Variants in ZRANB3 observed in about 807,000 individuals in gnomAD.
ZRANB3 encodes the protein DNA annealing helicase and endonuclease ZRANB3.
ZRANB3 carries 125 observed loss-of-function variants against 133.8 expected under a neutral mutation model. The ratio of observed to expected loss-of-function variants is 0.93; its 90% CI spans 0.81 to 1.08. ZRANB3 has a LOEUF of 1.08. ZRANB3 is among the 50% of genes least tolerant of loss of function. ZRANB3 has a pLI of 0.00. For missense variants in ZRANB3, 1,229 were observed against 1,275.5 expected (o/e 0.96, Z 0.56); for synonymous variants, 387 against 432.7 (o/e 0.89, Z 1.31).
At chr2:135,524,128 C>G (rs1694055502) in intron 1 of ZRANB3, among the ~76,000 whole-genome samples, 1 of 151,738 alleles carries the variant, frequency 6.6e-6, no homozygotes, top group Non-Finnish European at 1.5e-5. Flanking sequence ...CTCTTGTTGC[C>G]CAGGCTGGAG....
intron 8 of ZRANB3, among the ~76,000 whole-genome samples, chr2:135,280,251 A>C (rs1423432154): frequency 2.0e-5 from 3 of 152,200 alleles, no homozygotes; most frequent in Non-Finnish European, 4.4e-5. Context: ...GTAATTAATG[A>C]AGACTATACA....
chr2:135,253,581 A>G (rs1679507651), intron 12 of ZRANB3, among the ~76,000 whole-genome samples: 1 of 152,206 alleles, frequency 6.6e-6, no homozygotes, highest in African/African-American at 2.4e-5. Context: ...ACTACCTGGT[A>G]TAGCCTGTTA....
At chr2:135,426,086 G>T (rs1360032682) in intron 2 of ZRANB3, among the ~76,000 whole-genome samples, 4 of 151,960 alleles carry the variant, frequency 2.6e-5, no homozygotes, top group African/African-American at 9.7e-5. Context: ...AAACGTAGAA[G>T]AAATAGATAA....
At chr2:135,329,878 G>A (rs1031511879) in intron 6 of ZRANB3, among the ~76,000 whole-genome samples, 1 of 152,076 alleles carries the variant, frequency 6.6e-6, no homozygotes, top group African/African-American at 2.4e-5. Context: ...TGTATAGGAA[G>A]GCTTGTGATT....
At chr2:135,411,137 G>T (rs1023655404) in intron 2 of ZRANB3, among the ~76,000 whole-genome samples, 3 of 152,122 alleles carry the variant, frequency 2.0e-5, no homozygotes, top group African/African-American at 7.2e-5. Context: ...CTACTTGGGG[G>T]CTGAGGTGGG....
Position 135,234,854 on chromosome 2 carries a change from C to T in ZRANB3, c.1540-3927G>A, listed in dbSNP as rs1295073110. ...GAAAGCAGGAAAGATCTAAAATTGACACCCTAACATCACAATTAAAAGAAC... is the reference window on the plus strand; with the variant it reads ...GAAAGCAGGAAAGATCTAAAATTGATACCCTAACATCACAATTAAAAGAAC... On this transcript the variant is annotated intron_variant, in intron 12 of 20. Transcript: ENST00000264159. Among the ~76,000 whole-genome samples, 55 of 152,196 alleles carry T rather than the reference C, an allele frequency of 3.6e-4. No individual in the cohort carries two copies. The East Asian group carries it at 0.011, about 29-fold the overall frequency.
chr2:135,284,502 C>T (rs1273180322), intron 8 of ZRANB3, among the ~76,000 whole-genome samples: 3 of 152,214 alleles, frequency 2.0e-5, no homozygotes, highest in Admixed American at 6.5e-5. Context: ...GACGGAGTCT[C>T]GCTCTGTCGC....
At chr2:135,349,516 C>G (rs539821864) in intron 5 of ZRANB3, among the ~76,000 whole-genome samples, 2 of 152,296 alleles carry the variant, frequency 1.3e-5, no homozygotes, top group South Asian at 2.1e-4. Flanking sequence ...GATACCTTAT[C>G]TGGTCTGCAC....
intron 6 of ZRANB3, among the ~76,000 whole-genome samples, chr2:135,322,585 T>G (rs532838430): frequency 6.6e-6 from 1 of 152,002 alleles, no homozygotes; most frequent in South Asian, 2.1e-4. Flanking sequence ...GAGTGTGGTG[T>G]TGTGCTCCTG....
At chr2:135,280,319 G>A (rs184749945) in intron 8 of ZRANB3, among the ~76,000 whole-genome samples, 2 of 152,298 alleles carry the variant, frequency 1.3e-5, no homozygotes. Context: ...TGTAATCCCA[G>A]CACTTTGGGA....
chr2:135,454,724 A>G (rs568739782), intron 2 of ZRANB3, among the ~76,000 whole-genome samples: 3 of 152,322 alleles, frequency 2.0e-5, no homozygotes, highest in African/African-American at 7.2e-5. Flanking sequence ...TTCACTTAGG[A>G]TAATGACCTC....
At chr2:135,314,044 A>C (rs1386107771) in intron 7 of ZRANB3, among the ~76,000 whole-genome samples, 2 of 152,142 alleles carry the variant, frequency 1.3e-5, no homozygotes, top group Non-Finnish European at 2.9e-5. Flanking sequence ...TTGTATTTTT[A>C]GTAGAGACAG....
At chr2:135,228,770 T>C (rs938511108) in intron 13 of ZRANB3, among the ~76,000 whole-genome samples, 1 of 152,168 alleles carries the variant, frequency 6.6e-6, no homozygotes, top group African/African-American at 2.4e-5. Context: ...GTGGTAGAAA[T>C]ATAAATCTAA....
intron 2 of ZRANB3, among the ~76,000 whole-genome samples, chr2:135,443,194 A>G (rs1689860258): frequency 6.6e-6 from 1 of 152,168 alleles, no homozygotes; most frequent in African/African-American, 2.4e-5. Flanking sequence ...CTATGCAGCC[A>G]TAAAAAAGGA....
intron 3 of ZRANB3, among the ~76,000 whole-genome samples, chr2:135,378,811 T>C (rs1323532762): frequency 6.6e-6 from 1 of 152,188 alleles, no homozygotes; most frequent in Non-Finnish European, 1.5e-5. Flanking sequence ...TTAAGGGACA[T>C]GCTACAAACT....
At chr2:135,503,966 TA>T (rs202131013) in intron 2 of ZRANB3, among the ~76,000 whole-genome samples, 54 of 146,940 alleles carry the variant, frequency 3.7e-4, no homozygotes, top group Non-Finnish European at 3.8e-4. Context: ...CAGAGTCTAT[TA>T]AAAAAAAAAA....
intron 2 of ZRANB3, among the ~76,000 whole-genome samples, chr2:135,491,856 A>G (rs1692393498): frequency 6.6e-6 from 1 of 152,196 alleles, no homozygotes; most frequent in South Asian, 2.1e-4. Flanking sequence ...GTATTATTAA[A>G]GATACAAAGG....
intron 6 of ZRANB3, among the ~76,000 whole-genome samples, chr2:135,344,747 AT>A (rs1281715381): frequency 6.6e-6 from 1 of 152,202 alleles, no homozygotes; most frequent in Non-Finnish European, 1.5e-5. Flanking sequence ...TCTGAAAAAA[AT>A]ATGATAAAAT....
intron 2 of ZRANB3, among the ~76,000 whole-genome samples, chr2:135,477,757 G>A (rs138925251): frequency 6.6e-6 from 1 of 152,296 alleles, no homozygotes; most frequent in Non-Finnish European, 1.5e-5. Context: ...CCTTTGGGAG[G>A]CCAAGGCTGG....
Sources: allele counts gnomAD v4.1 joint callset (sites outside exome capture counted in the v4.1 genomes callset), GRCh38; gene constraint gnomAD v4.1.1; transcripts MANE v1.5; gene names NCBI Gene and HGNC (gene_info 2026-07-23, HGNC 2026-07-21).